The following EHBP1 variants were observed in gnomAD, a reference collection of about 807,000 sequenced individuals.
EHBP1 encodes EH domain-binding protein 1.
A neutral mutation model predicts 144.0 loss-of-function variants in EHBP1; 55 were observed. The observed-to-expected ratio is 0.38, with a 90% CI of 0.31 to 0.48. The LOEUF is 0.48. EHBP1 is among the 20% of genes least tolerant of loss of function. EHBP1 has a pLI of 0.98. For missense variants in EHBP1, 1,200 were observed against 1,364.2 expected (o/e 0.88, Z 1.90); for synonymous variants, 469 against 472.7 (o/e 0.99, Z 0.10).
intron 6 of EHBP1, 137 bp from the exon 7 acceptor site, chr2:62,830,882 A>C: frequency 2.5e-6 from 2 of 803,360 alleles, no homozygotes; most frequent in South Asian, 4.1e-5. Context: ...TAGATTTTTC[A>C]ATATTCTTGT....
chr2:63,011,071 G>T (rs1430734597), intron 19 of EHBP1, among the ~76,000 whole-genome samples: 1 of 148,284 alleles, frequency 6.7e-6, no homozygotes, highest in African/African-American at 2.5e-5. Context: ...GCTAACCATA[G>T]TGTTGAACTA....
At chr2:62,681,357 T>TATATATATAC (rs1374103642) in intron 1 of EHBP1, among the ~76,000 whole-genome samples, 2 of 118,460 alleles carry the variant, frequency 1.7e-5, no homozygotes, top group Non-Finnish European at 3.5e-5. Flanking sequence ...TATATATATA[T>TATATATATAC]ATAATGTGTA....
chr2:62,823,975 C>T (rs1319749957), intron 5 of EHBP1, among the ~76,000 whole-genome samples: 1 of 152,016 alleles, frequency 6.6e-6, no homozygotes, highest in Non-Finnish European at 1.5e-5. Context: ...TTAAGTAGTA[C>T]AGCTAATTGT....
intron 7 of EHBP1, among the ~76,000 whole-genome samples, chr2:62,855,146 CCT>C (rs1255249798): frequency 6.6e-6 from 1 of 152,230 alleles, no homozygotes; most frequent in African/African-American, 2.4e-5. Flanking sequence ...CTTCCCCTGC[CCT>C]CTCAGCCTCA....
intron 19 of EHBP1, among the ~76,000 whole-genome samples, chr2:63,031,946 C>CA (rs764803331): frequency 2.0e-5 from 3 of 151,124 alleles, no homozygotes; most frequent in Non-Finnish European, 4.4e-5. Context: ...AAAACAAAAA[C>CA]AAAAAAAACC....
intron 14 of EHBP1, among the ~76,000 whole-genome samples, chr2:62,967,532 T>C (rs2058301285): frequency 6.6e-6 from 1 of 152,188 alleles, no homozygotes; most frequent in African/African-American, 2.4e-5. Flanking sequence ...TTGCAGGACA[T>C]TTTTTTCTTT....
At chr2:62,789,611 A>G (rs1002095227) in intron 5 of EHBP1, among the ~76,000 whole-genome samples, 21 of 152,208 alleles carry the variant, frequency 1.4e-4, no homozygotes, top group African/African-American at 5.1e-4. Context: ...GACAGCTGCC[A>G]AAGTCAAGAT....
intron 10 of EHBP1, among the ~76,000 whole-genome samples, chr2:62,898,952 G>C (rs1469475212): frequency 6.6e-6 from 1 of 152,098 alleles, no homozygotes; most frequent in African/African-American, 2.4e-5. Context: ...TGTAGAATAT[G>C]CACCTACACG....
intron 10 of EHBP1, among the ~76,000 whole-genome samples, chr2:62,924,242 G>A (rs2055323352): frequency 6.6e-6 from 1 of 152,180 alleles, no homozygotes; most frequent in South Asian, 2.1e-4. Context: ...AGAAGCAGTA[G>A]TAAATGGCAA....
chr2:62,748,320 G>A (rs866487008), intron 3 of EHBP1, among the ~76,000 whole-genome samples: 27 of 151,964 alleles, frequency 1.8e-4, no homozygotes, highest in African/African-American at 6.0e-4. Flanking sequence ...GAGTGGAACC[G>A]AATTTTATAA....
intron 6 of EHBP1, among the ~76,000 whole-genome samples, chr2:62,827,553 C>T (rs549020907): frequency 6.6e-5 from 10 of 152,258 alleles, no homozygotes; most frequent in South Asian, 2.1e-4. Context: ...GAATTCTTTC[C>T]GAACATCCTA....
chr2:62,865,434 G>A (rs1409748569), intron 9 of EHBP1, among the ~76,000 whole-genome samples: 1 of 152,162 alleles, frequency 6.6e-6, no homozygotes, highest in Non-Finnish European at 1.5e-5. Context: ...ATTATCACAA[G>A]CTCAGTATGA....
intron 10 of EHBP1, among the ~76,000 whole-genome samples, chr2:62,877,362 C>G (rs1279379070): frequency 1.3e-5 from 2 of 152,166 alleles, no homozygotes; most frequent in Non-Finnish European, 2.9e-5. Context: ...AAAACAAGTT[C>G]TTAGGGACCT....
At chr2:62,871,907 A>T (rs1244266633) in intron 9 of EHBP1, 1 of 152,196 alleles carries the variant, frequency 6.6e-6, no homozygotes, top group Non-Finnish European at 1.5e-5. Context: ...GTAAAAATGA[A>T]AACCAATAAG....
intron 10 of EHBP1, among the ~76,000 whole-genome samples, chr2:62,932,739 A>G (rs984225852): frequency 1.2e-4 from 18 of 152,152 alleles, no homozygotes; most frequent in African/African-American, 4.3e-4. Flanking sequence ...GGATCACTTG[A>G]GATCAGGAGT....
At chr2:62,770,862 A>C (rs778912928) in intron 4 of EHBP1, among the ~76,000 whole-genome samples, 1 of 152,206 alleles carries the variant, frequency 6.6e-6, no homozygotes, top group Non-Finnish European at 1.5e-5. Flanking sequence ...TGGAACATGG[A>C]TGGAGCTGGA....
At chr2:62,715,087 G>A (rs529631246) in intron 2 of EHBP1, among the ~76,000 whole-genome samples, 69 of 152,174 alleles carry the variant, frequency 4.5e-4, no homozygotes, top group African/African-American at 1.6e-3. Context: ...GTCCTGTAGC[G>A]ATGTTTTATG....
Position 62,965,792 on chromosome 2 carries a change from C to G in EHBP1, c.2460+10132C>G, listed in dbSNP as rs143970844. On this transcript the variant is annotated intron_variant, in intron 14 of 22. Transcript: ENST00000431489. ...ACAAGAGCTAATCAAGCCATCAGTT[C>G]TTTATGCACTCTACGTGTCTTTAGA... Among the ~76,000 whole-genome samples the G allele has an allele frequency of 1.2e-3, 181 of 152,270 alleles. 1 individual carries two copies. The highest frequency in any genetic ancestry group is 4.1e-3 in the African/African-American group (170 of 41,572).
rs561783139 is a variant in EHBP1, at chr2:62,786,545, A to G, written c.312+15153A>G. Among the ~76,000 whole-genome samples the G allele has an allele frequency of 3.9e-5, 6 of 152,308 alleles. No homozygotes were observed. In the South Asian group the frequency reaches 1.2e-3, roughly 32 times the overall value. ...AATGTGGGATGAGAAATATTTTTGTAGGCAATCTGCAATAGCTATGTAGAA... is the reference window on the plus strand; with the variant it reads ...AATGTGGGATGAGAAATATTTTTGTGGGCAATCTGCAATAGCTATGTAGAA... On this transcript the variant is annotated intron_variant, in intron 5 of 22. Transcript: ENST00000431489.
Sources: gnomAD v4.1 joint callset for allele counts (sites outside exome capture counted in the v4.1 genomes callset) on GRCh38, gnomAD v4.1.1 for gene constraint, MANE v1.5 for transcripts, NCBI Gene and HGNC (gene_info 2026-07-23, HGNC 2026-07-21) for gene names.